Variants in LMLN observed in about 807,000 individuals in gnomAD.
LMLN encodes the protein leishmanolysin-like peptidase.
A neutral mutation model predicts 92.3 loss-of-function variants in LMLN; 70 were observed. The ratio of observed to expected loss-of-function variants is 0.76; its 90% CI spans 0.63 to 0.92. The LOEUF is 0.92. Among genes scored for constraint, LMLN ranks in the 40% least tolerant of loss-of-function variants. The probability of loss-of-function intolerance (pLI) is 0.00; values close to 1 mark genes in which losing one functional copy is unlikely to be tolerated. For synonymous variants in LMLN, 308 were observed against 296.2 expected (o/e 1.04, Z -0.41); for missense variants, 691 against 814.6 (o/e 0.85, Z 1.85).
Position 198,003,011 on chromosome 3 carries a change from A to T in LMLN, c.1232+3669A>T. On this transcript the variant is annotated intron_variant, in intron 11 of 15. Transcript: ENST00000330198. ...AAAATTGCTTTGTTTGAATTATTCC[A>T]CAGCTGGTATAAAGCAAATTACAGC... The T allele has an allele frequency of 6.6e-7, 1 of 1,526,078 alleles. No individual in the cohort carries two copies. Among genetic ancestry groups the T allele is most frequent in the Non-Finnish European group, 8.9e-7 (1 of 1,126,018 alleles). The allele number at this position is 1,526,078 out of a possible 1,614,324, so 94.5% of individuals were successfully genotyped here. A position where few individuals can be genotyped will look rare whatever the true frequency, so the allele number is the denominator to read the frequency against.
chr3:198,034,465 G>A (rs1229247909), intron 14 of LMLN, among the ~76,000 whole-genome samples: 2 of 151,982 alleles, frequency 1.3e-5, no homozygotes, highest in Non-Finnish European at 2.9e-5. Flanking sequence ...CAAAAATTTA[G>A]CTGGGTGTGG....
chr3:198,030,926 G>A (rs1024438275), intron 14 of LMLN, among the ~76,000 whole-genome samples: 8 of 143,922 alleles, frequency 5.6e-5, no homozygotes, highest in East Asian at 2.0e-4. Flanking sequence ...GTGATGTGAC[G>A]CCTGCTGACA....
At chr3:198,030,453 G>A (rs768895443) in intron 14 of LMLN, among the ~76,000 whole-genome samples, 24 of 152,242 alleles carry the variant, frequency 1.6e-4, no homozygotes, top group Admixed American at 9.2e-4. Context: ...TTTGCAATTA[G>A]TTTTCTTTGT....
At chr3:197,982,678 C>T (rs1284273703) in intron 6 of LMLN, among the ~76,000 whole-genome samples, 2 of 152,146 alleles carry the variant, frequency 1.3e-5, no homozygotes, top group Admixed American at 6.5e-5. Flanking sequence ...CAGAGGGAGA[C>T]AGGTATTAAA....
exon 1 of LMLN, chr3:197,960,291 C>T: frequency 6.2e-7 from 1 of 1,613,784 alleles, no homozygotes; most frequent in Non-Finnish European, 8.5e-7. Context: ...GGGCTCAGGC[C>T]CGGGCCGGAG....
Position 198,028,890 on chromosome 3 carries a change from T to TA in LMLN, c.1656+4103dup, listed in dbSNP as rs542101688. Among the ~76,000 whole-genome samples, 36 of 152,246 alleles carry TA rather than the reference T, an allele frequency of 2.4e-4. 1 individual carries two copies. Among genetic ancestry groups the TA allele is most frequent in the Non-Finnish European group, 4.1e-4 (28 of 68,036 alleles). Reference sequence around the variant, plus strand: ...ATTTTTTACACCAATAGTATCAAGTTACACATACTGTTCTGTGGTGTGTAT... The same window carrying TA: ...ATTTTTTACACCAATAGTATCAAGTTAACACATACTGTTCTGTGGTGTGTAT... On this transcript the variant is annotated intron_variant, in intron 14 of 15. Transcript: ENST00000330198.
At chr3:198,005,978 G>A (rs532883759) in intron 11 of LMLN, among the ~76,000 whole-genome samples, 19 of 152,046 alleles carry the variant, frequency 1.2e-4, no homozygotes, top group African/African-American at 3.9e-4. Context: ...TTAGCCAGGC[G>A]TGGTGGTGGG....
chr3:198,003,089 A>G (rs1282479750), intron 11 of LMLN: 1 of 1,551,144 alleles, frequency 6.4e-7, no homozygotes. Flanking sequence ...TTTGTCAGGA[A>G]GAGCTGTAAA....
At chr3:197,969,499 A>G (rs551285352) in intron 1 of LMLN, among the ~76,000 whole-genome samples, 1 of 152,270 alleles carries the variant, frequency 6.6e-6, no homozygotes, top group East Asian at 1.9e-4. Flanking sequence ...GATTTTTTCA[A>G]AAGTATTTGG....
chr3:197,983,317 G>T (rs915245455), intron 6 of LMLN, among the ~76,000 whole-genome samples: 34 of 152,170 alleles, frequency 2.2e-4, no homozygotes, highest in African/African-American at 8.0e-4. Context: ...GAGGCGCATG[G>T]TGGAACTGAA....
intron 11 of LMLN, among the ~76,000 whole-genome samples, chr3:198,008,020 T>C (rs1722338723): frequency 1.3e-5 from 2 of 152,354 alleles, no homozygotes; most frequent in South Asian, 2.1e-4. Context: ...CCTGTTAATA[T>C]GGTGGACTTC....
intron 11 of LMLN, among the ~76,000 whole-genome samples, chr3:198,005,351 C>T (rs988435757): frequency 6.6e-6 from 1 of 151,858 alleles, no homozygotes; most frequent in African/African-American, 2.4e-5. Flanking sequence ...GTTCTTTAAC[C>T]ATGGAGGATT....
At chr3:197,988,366 C>A (rs147127347) in intron 8 of LMLN, among the ~76,000 whole-genome samples, 2,333 of 150,120 alleles carry the variant, frequency 0.016, 20 homozygotes, top group Non-Finnish European at 0.017. Flanking sequence ...TATTCGATTT[C>A]TTTACATTTA....
At chr3:198,018,531 T>C (rs1322325751) in intron 11 of LMLN, among the ~76,000 whole-genome samples, 2 of 152,224 alleles carry the variant, frequency 1.3e-5, no homozygotes, top group African/African-American at 4.8e-5. Context: ...CTGTGGCAAG[T>C]ATTTTACGTG....
intron 12 of LMLN, among the ~76,000 whole-genome samples, chr3:198,020,703 C>A (rs1243397187): frequency 6.6e-6 from 1 of 151,204 alleles, no homozygotes. Context: ...AAACTATTCT[C>A]CTGCCGCAGC....
chr3:197,973,152 C>T (rs1026309496), intron 1 of LMLN, among the ~76,000 whole-genome samples: 5 of 152,054 alleles, frequency 3.3e-5, no homozygotes, highest in Admixed American at 1.3e-4. Context: ...ATATTTTGTC[C>T]GGACTTTGTA....
At chr3:197,982,206 GA>G (rs1721577709) in intron 6 of LMLN, among the ~76,000 whole-genome samples, 1 of 144,072 alleles carries the variant, frequency 6.9e-6, no homozygotes, top group African/African-American at 2.6e-5. Flanking sequence ...TTTGTTAAAA[GA>G]AAAAGCAGTT....
chr3:197,972,153 C>T (rs1355146842), intron 1 of LMLN, among the ~76,000 whole-genome samples: 2 of 151,798 alleles, frequency 1.3e-5, no homozygotes, highest in African/African-American at 4.8e-5. Context: ...CAACCACCGT[C>T]TCCCGAGTTC....
At chr3:197,984,733 G>A (rs1354539848) in intron 7 of LMLN, among the ~76,000 whole-genome samples, 1 of 151,640 alleles carries the variant, frequency 6.6e-6, no homozygotes, top group African/African-American at 2.4e-5. Flanking sequence ...AGAGGGGTGA[G>A]CCACTATATC....
Sources: gnomAD v4.1 joint callset for allele counts (sites outside exome capture counted in the v4.1 genomes callset) on GRCh38, gnomAD v4.1.1 for gene constraint, MANE v1.5 for transcripts, NCBI Gene and HGNC (gene_info 2026-07-23, HGNC 2026-07-21) for gene names.